CHSY3: variants seen among roughly 807,000 people sequenced by gnomAD.
CHSY3 encodes the protein N-acetylgalactosaminyl-proteoglycan 3-beta-glucuronosyltransferase 3.
A neutral mutation model predicts 67.2 loss-of-function variants in CHSY3; 35 were observed. The observed-to-expected ratio is 0.52, with a 90% confidence interval of 0.40 to 0.69. CHSY3 has a LOEUF of 0.69. Among genes scored for constraint, CHSY3 ranks in the 30% least tolerant of loss-of-function variants. CHSY3 has a pLI of 0.00. For missense variants in CHSY3, 1,069 were observed against 1,138.5 expected, an observed-to-expected ratio of 0.94 and a Z score of 0.88; for synonymous variants, 474 against 434.7, an observed-to-expected ratio of 1.09 and a Z score of -1.12.
rs1760222817 is a variant in CHSY3, at chr5:129,905,281, G to A, written c.452G>A (p.Gly151Glu). 6.8e-7 allele frequency: 1 copy of A among 1,468,776 alleles called. No homozygotes were observed. Among genetic ancestry groups the A allele is most frequent in the Non-Finnish European group, 9.0e-7 (1 of 1,113,030 alleles). The allele number at this position is 1,468,776 out of a possible 1,614,324, so 91.0% of individuals were successfully genotyped here. A position where few individuals can be genotyped will look rare whatever the true frequency, so the allele number is the denominator to read the frequency against. Residue 151 changes from glycine (G) to glutamate (E), a missense_variant, in exon 1 of 3, where the codon GGG becomes GAG. By Grantham distance (98) the Gly-to-Glu change is moderately conservative. Around this residue, in one of 5 missense-constraint regions of CHSY3, gnomAD observed 309 missense variants for 262.5 expected, o/e 1.18. Transcript: ENST00000305031. ...AAGQRRDGRP[G>E]SSHNGSGDGG... Reference sequence around the variant, plus strand: ...GGGCAGCGGAGAGACGGCCGGCCGGGGAGTAGCCACAACGGCAGCGGGGAC... The same window carrying A: ...GGGCAGCGGAGAGACGGCCGGCCGGAGAGTAGCCACAACGGCAGCGGGGAC...
chr5:129,934,633 G>T (rs1193458690), intron 2 of CHSY3, among the ~76,000 whole-genome samples: 1 of 152,176 alleles, frequency 6.6e-6, no homozygotes. Context: ...TGTCTGTCAG[G>T]ATAGTCTCTT....
At chr5:130,094,884 G>A (rs77197262) in intron 2 of CHSY3, among the ~76,000 whole-genome samples, 1,719 of 152,132 alleles carry the variant, frequency 0.011, 26 homozygotes, top group African/African-American at 0.038. Context: ...TATTAGTGAG[G>A]AATTTTGAAA....
At chr5:130,176,737 C>G (rs1391341859) in intron 2 of CHSY3, among the ~76,000 whole-genome samples, 1 of 152,122 alleles carries the variant, frequency 6.6e-6, no homozygotes, top group Non-Finnish European at 1.5e-5. Context: ...CAAACTGACA[C>G]AGGAACAGAA....
At chr5:129,952,186 A>G (rs967305081) in intron 2 of CHSY3, among the ~76,000 whole-genome samples, 2 of 152,168 alleles carry the variant, frequency 1.3e-5, no homozygotes, top group Non-Finnish European at 2.9e-5. Flanking sequence ...TTCAAGTAAA[A>G]GTGGAAAGAA....
intron 2 of CHSY3, among the ~76,000 whole-genome samples, chr5:130,158,079 G>A (rs1035606534): frequency 2.6e-5 from 4 of 152,232 alleles, no homozygotes; most frequent in Admixed American, 1.3e-4. Context: ...GTTTTGATGG[G>A]TTTCGTCCAG....
chr5:130,081,094 G>A (rs1194326263), intron 2 of CHSY3, among the ~76,000 whole-genome samples: 2 of 152,132 alleles, frequency 1.3e-5, no homozygotes, highest in African/African-American at 4.8e-5. Context: ...GGCCTGCAGA[G>A]CAGGCAATGG....
At chr5:129,910,753 G>C (rs560014547) in intron 2 of CHSY3, among the ~76,000 whole-genome samples, 11 of 151,986 alleles carry the variant, frequency 7.2e-5, no homozygotes, top group Admixed American at 1.3e-4. Flanking sequence ...TTATGTTAGT[G>C]GAAATGGTGT....
chr5:130,143,070 C>T (rs1047925403), intron 2 of CHSY3, among the ~76,000 whole-genome samples: 16 of 152,144 alleles, frequency 1.1e-4, no homozygotes, highest in African/African-American at 3.9e-4. Context: ...TAGCGCATTG[C>T]TAGCATTTCA....
At chr5:130,015,853 T>C (rs985036977) in intron 2 of CHSY3, among the ~76,000 whole-genome samples, 2 of 152,044 alleles carry the variant, frequency 1.3e-5, no homozygotes, top group East Asian at 1.9e-4. Context: ...TAACGGTGGA[T>C]TGAATAAAGA....
intron 2 of CHSY3, among the ~76,000 whole-genome samples, chr5:130,165,641 C>T (rs945943205): frequency 6.6e-6 from 1 of 151,014 alleles, no homozygotes; most frequent in African/African-American, 2.4e-5. Context: ...GGAGAGGGTC[C>T]GAGTAGGATT....
intron 2 of CHSY3, among the ~76,000 whole-genome samples, chr5:129,986,012 T>A (rs9986321): frequency 0.51 from 77,939 of 151,894 alleles, 20,683 homozygotes; most frequent in Non-Finnish European, 0.59. Flanking sequence ...CCTATTTGGA[T>A]GCCTTTTATT....
At chr5:130,050,702 A>C (rs1209109498) in intron 2 of CHSY3, among the ~76,000 whole-genome samples, 2 of 152,092 alleles carry the variant, frequency 1.3e-5, no homozygotes, top group Non-Finnish European at 1.5e-5. Context: ...CTTAGCCATC[A>C]AGGAAATGAG....
chr5:129,976,524 A>G (rs1762812006), intron 2 of CHSY3, among the ~76,000 whole-genome samples: 1 of 152,124 alleles, frequency 6.6e-6, no homozygotes. Flanking sequence ...GCTAGAATAA[A>G]ATGTTATAAA....
At chr5:129,995,664 A>C (rs558203189) in intron 2 of CHSY3, among the ~76,000 whole-genome samples, 1 of 151,540 alleles carries the variant, frequency 6.6e-6, no homozygotes, top group Admixed American at 6.6e-5. Context: ...CCCATGTTGG[A>C]GCCAACATTC....
At chr5:129,951,681 A>G (rs756681238) in intron 2 of CHSY3, among the ~76,000 whole-genome samples, 1 of 152,164 alleles carries the variant, frequency 6.6e-6, no homozygotes, top group Non-Finnish European at 1.5e-5. Flanking sequence ...TTGTCTCTCC[A>G]TGTGGACCCT....
chr5:129,918,379 T>C (rs1446909388), intron 2 of CHSY3, among the ~76,000 whole-genome samples: 1 of 152,230 alleles, frequency 6.6e-6, no homozygotes, highest in Non-Finnish European at 1.5e-5. Context: ...TGATCTCTGA[T>C]GGACGAAGGT....
chr5:130,029,882 A>G (rs770798300), intron 2 of CHSY3, among the ~76,000 whole-genome samples: 14 of 152,228 alleles, frequency 9.2e-5, no homozygotes, highest in Non-Finnish European at 1.8e-4. Flanking sequence ...TGAAGTCCAA[A>G]GACTTCTTAT....
chr5:130,014,862 CTAAT>C (rs1764171934), intron 2 of CHSY3, among the ~76,000 whole-genome samples: 1 of 152,080 alleles, frequency 6.6e-6, no homozygotes, highest in African/African-American at 2.4e-5. Context: ...CAAGTGGGAC[CTAAT>C]TAAACTAAAG....
chr5:130,146,957 C>A (rs528435149), intron 2 of CHSY3, among the ~76,000 whole-genome samples: 26 of 152,196 alleles, frequency 1.7e-4, no homozygotes, highest in Admixed American at 5.2e-4. Context: ...CCATGCCCAG[C>A]TAATTTTTGT....
Sources: allele counts gnomAD v4.1 joint callset (sites outside exome capture counted in the v4.1 genomes callset), GRCh38; gene constraint gnomAD v4.1.1; regional missense constraint gnomAD v4.1.1; transcripts MANE v1.5; gene names NCBI Gene and HGNC (gene_info 2026-07-23, HGNC 2026-07-21).